CRB1: variants seen among roughly 807,000 people sequenced by gnomAD.
CRB1 encodes crumbs cell polarity complex component 1, also known as protein crumbs homolog 1.
A neutral mutation model predicts 120.0 loss-of-function variants in CRB1; 83 were observed. The observed-to-expected ratio is 0.69, with a 90% CI of 0.58 to 0.83. The LOEUF is 0.83. Among genes scored for constraint, CRB1 ranks in the 40% least tolerant of loss-of-function variants. The pLI, the probability that CRB1 is intolerant of heterozygous loss-of-function variation, is 0.00. For missense variants in CRB1, 1,699 were observed against 1,687.6 expected (o/e 1.01, Z -0.12); for synonymous variants, 625 against 612.5 (o/e 1.02, Z -0.30).
chr1:197,315,951 A>G (rs947735520), intron 1 of CRB1, among the ~76,000 whole-genome samples: 1 of 152,232 alleles, frequency 6.6e-6, no homozygotes, highest in Non-Finnish European at 1.5e-5. Context: ...GTCAATTGCC[A>G]TGTATAAAGC....
intron 1 of CRB1, among the ~76,000 whole-genome samples, chr1:197,320,616 A>G (rs1420787404): frequency 6.6e-6 from 1 of 152,174 alleles, no homozygotes; most frequent in Non-Finnish European, 1.5e-5. Flanking sequence ...AGAAAGAAAG[A>G]TGGAAGGCTT....
intron 1 of CRB1, among the ~76,000 whole-genome samples, chr1:197,318,659 G>C (rs1459282918): frequency 3.3e-5 from 5 of 152,142 alleles, no homozygotes; most frequent in Non-Finnish European, 7.4e-5. Context: ...ATGTTATTCA[G>C]TCATAAAACA....
intron 11 of CRB1, among the ~76,000 whole-genome samples, chr1:197,470,693 A>T (rs1666943904): frequency 6.6e-6 from 1 of 152,250 alleles, no homozygotes; most frequent in Non-Finnish European, 1.5e-5. Context: ...AAAATCTGGT[A>T]TCCTAAGTAG....
At chr1:197,210,798 G>GAGTAT in the CRB1 span, among the ~76,000 whole-genome samples, 9 of 152,074 alleles carry the variant, frequency 5.9e-5, no homozygotes, top group African/African-American at 2.2e-4. Flanking sequence ...CCATAAGAGA[G>GAGTAT]AGTATAGTCT....
At chr1:197,387,379 A>G (rs1183963062) in intron 5 of CRB1, among the ~76,000 whole-genome samples, 1 of 152,074 alleles carries the variant, frequency 6.6e-6, no homozygotes, top group African/African-American at 2.4e-5. Context: ...TCTTTTGGAC[A>G]CTGTTTGTAG....
intron 11 of CRB1, among the ~76,000 whole-genome samples, chr1:197,450,887 G>T (rs938554993): frequency 3.4e-5 from 5 of 148,558 alleles, no homozygotes; most frequent in Non-Finnish European, 7.4e-5. Flanking sequence ...GTGAACCCGG[G>T]GGGCGGAGCT....
intron 5 of CRB1, chr1:197,413,989 C>T: frequency 4.4e-6 from 2 of 456,614 alleles, no homozygotes; most frequent in South Asian, 3.1e-5. Context: ...ATTTTAATGG[C>T]AATGCTCATA....
At position 197,421,744 on chromosome 1, in the gene CRB1, T is replaced by C. The variant is rs1664339013; in HGVS notation, c.1916T>C (p.Phe639Ser). 6.2e-7 allele frequency: 1 copy of C among 1,614,074 alleles called. No individual in the cohort carries two copies. The highest frequency in any genetic ancestry group is 8.5e-7 in the Non-Finnish European group (1 of 1,180,046). Reference sequence around the variant, plus strand: ...TATAATATGCCATCCACACCTTCGTTTGTAGGCTGTCTCCAAGACATTAAA... The same window carrying C: ...TATAATATGCCATCCACACCTTCGTCTGTAGGCTGTCTCCAAGACATTAAA... ...NFYNMPSTPS[F>S]VGCLQDIKID... Residue 639 changes from phenylalanine (F) to serine (S), a missense_variant, in exon 6 of 12, where the codon TTT (phenylalanine) becomes TCT (serine). Physicochemically the swap from Phe to Ser is radical, Grantham distance 155. Transcript: ENST00000367400.
intron 11 of CRB1, among the ~76,000 whole-genome samples, chr1:197,446,059 G>A (rs1045190120): frequency 2.6e-5 from 4 of 151,926 alleles, no homozygotes; most frequent in Non-Finnish European, 4.4e-5. Flanking sequence ...GCATGGTGGC[G>A]CATGCCTGTA....
At chr1:197,399,116 A>C (rs1230490809) in intron 5 of CRB1, among the ~76,000 whole-genome samples, 1 of 152,064 alleles carries the variant, frequency 6.6e-6, no homozygotes, top group Non-Finnish European at 1.5e-5. Context: ...TTCAGATGCC[A>C]TCTACTTGAG....
intron 1 of CRB1, among the ~76,000 whole-genome samples, chr1:197,279,486 T>C (rs2125216013): frequency 6.6e-6 from 1 of 151,480 alleles, no homozygotes; most frequent in East Asian, 1.9e-4. Flanking sequence ...TATAAATTGC[T>C]TTCTCTTCAC....
At chr1:197,244,775 C>T in the CRB1 span, among the ~76,000 whole-genome samples, 1 of 151,566 alleles carries the variant, frequency 6.6e-6, no homozygotes, top group African/African-American at 2.4e-5. Flanking sequence ...CATCTATTTC[C>T]CCTCTCTTTC....
chr1:197,460,598 G>C (rs1228832787), intron 11 of CRB1, among the ~76,000 whole-genome samples: 1 of 152,084 alleles, frequency 6.6e-6, no homozygotes, highest in African/African-American at 2.4e-5. Context: ...TCATAGTACT[G>C]TTATTTCCAC....
intron 2 of CRB1, among the ~76,000 whole-genome samples, chr1:197,338,982 T>G (rs1571864587): frequency 6.6e-6 from 1 of 151,982 alleles, no homozygotes; most frequent in Non-Finnish European, 1.5e-5. Context: ...AAAAAAGGAG[T>G]CAGAATTGAC....
In CRB1 at chr1:197,438,678, G is replaced by T; in HGVS notation, c.3878+3G>T. 1.2e-6 allele frequency: 2 copies of T among 1,611,706 alleles called. No homozygotes were observed. Among genetic ancestry groups the T allele is most frequent in the South Asian group, 2.2e-5 (2 of 91,024 alleles). ...CGGCCAGGTTTTACTGGAGAATGGT[G>T]AGTCACATTAGAGCCTTCTGGAAGA... is the stretch of plus-strand genomic sequence containing the variant. On this transcript the variant is annotated splice_donor_region_variant and intron_variant, in intron 10 of 11. Coordinates refer to ENST00000367400, the MANE Select transcript of CRB1 (RefSeq NM_201253.3).
At chr1:197,434,264 C>A (rs1226999177) in intron 8 of CRB1, among the ~76,000 whole-genome samples, 1 of 152,070 alleles carries the variant, frequency 6.6e-6, no homozygotes, top group Non-Finnish European at 1.5e-5. Context: ...GTCACCATAG[C>A]TAGATTTGTG....
chr1:197,207,698 T>C, the CRB1 span, among the ~76,000 whole-genome samples: 1 of 152,160 alleles, frequency 6.6e-6, no homozygotes, highest in African/African-American at 2.4e-5. Context: ...TGTGCCTAGG[T>C]GATTATCTTT....
intron 5 of CRB1, among the ~76,000 whole-genome samples, chr1:197,396,946 T>C (rs1662803482): frequency 1.3e-5 from 2 of 152,052 alleles, no homozygotes; most frequent in African/African-American, 2.4e-5. Context: ...TCTGATAAAT[T>C]GCACTTCACC....
intron 8 of CRB1, among the ~76,000 whole-genome samples, chr1:197,434,408 C>G (rs1665021380): frequency 6.6e-6 from 1 of 152,146 alleles, no homozygotes; most frequent in Non-Finnish European, 1.5e-5. Flanking sequence ...GTTTTGCTAT[C>G]AGACCATCCC....
Sources: allele counts gnomAD v4.1 joint callset (sites outside exome capture counted in the v4.1 genomes callset), GRCh38; gene constraint gnomAD v4.1.1; transcripts MANE v1.5; gene names NCBI Gene and HGNC (gene_info 2026-07-23, HGNC 2026-07-21).